CFAP95: variants seen among roughly 807,000 people sequenced by gnomAD.
CFAP95 encodes the protein cilia and flagella associated protein 95, also known as cilia- and flagella-associated protein 95.
chr9:69,868,079 G>T, the CFAP95 span, among the ~76,000 whole-genome samples: 7 of 152,086 alleles, frequency 4.6e-5, no homozygotes, highest in African/African-American at 1.7e-4. Flanking sequence ...AAGCCTATAG[G>T]TATAGTTTTT....
At chr9:69,906,224 G>A in the CFAP95 span, 1 of 1,098,200 alleles carries the variant, frequency 9.1e-7, no homozygotes, top group Non-Finnish European at 1.3e-6. Context: ...CAATGGAAGT[G>A]TTACTATAGT....
At chr9:69,850,163 G>A in the CFAP95 span, among the ~76,000 whole-genome samples, 2 of 152,170 alleles carry the variant, frequency 1.3e-5, no homozygotes, top group African/African-American at 4.8e-5. Flanking sequence ...ACACCTAGAA[G>A]GATTAAGTAC....
At chr9:69,884,385 C>T in the CFAP95 span, 3 of 152,234 alleles carry the variant, frequency 2.0e-5, no homozygotes, top group Admixed American at 6.5e-5. Flanking sequence ...TCCTCAGCTT[C>T]CTGAGTAGCT....
At chr9:69,826,183 C>T in the CFAP95 span, among the ~76,000 whole-genome samples, 1 of 152,084 alleles carries the variant, frequency 6.6e-6, no homozygotes, top group African/African-American at 2.4e-5. Context: ...TTCAGACTTC[C>T]CCCCACCCTA....
chr9:69,891,654 A>T, the CFAP95 span, among the ~76,000 whole-genome samples: 205 of 152,270 alleles, frequency 1.3e-3, no homozygotes, highest in African/African-American at 4.7e-3. Flanking sequence ...ATACCTCTGA[A>T]CTTAAAATAA....
the CFAP95 span, among the ~76,000 whole-genome samples, chr9:69,843,290 T>C: frequency 6.6e-6 from 1 of 152,052 alleles, no homozygotes; most frequent in Middle Eastern, 3.2e-3. Context: ...TCTAGCCCTG[T>C]ATCCCTTAAA....
At chr9:69,872,516 G>A in the CFAP95 span, among the ~76,000 whole-genome samples, 1 of 152,204 alleles carries the variant, frequency 6.6e-6, no homozygotes, top group Non-Finnish European at 1.5e-5. Context: ...GAAACTGGAA[G>A]CTTTGGGTCA....
chr9:69,841,944 G>T, the CFAP95 span, among the ~76,000 whole-genome samples: 1 of 152,206 alleles, frequency 6.6e-6, no homozygotes, highest in Non-Finnish European at 1.5e-5. Flanking sequence ...AATTCAAGGT[G>T]AGATTTGTGT....
chr9:69,843,552 CTCCTCCTTCTTCTTCTTCT>C, the CFAP95 span, among the ~76,000 whole-genome samples: 298 of 25,474 alleles, frequency 0.012, 32 homozygotes, highest in Non-Finnish European at 0.019. Context: ...CCTCCTCCTC[CTCCTCCTTCTTCTTCTTCT>C]TCTTCTTCTT....
At chr9:69,856,585 T>C in the CFAP95 span, 1 of 1,610,854 alleles carries the variant, frequency 6.2e-7, no homozygotes, top group Non-Finnish European at 8.5e-7. Context: ...TGAAAAGTTG[T>C]CACAAATGTG....
the CFAP95 span, among the ~76,000 whole-genome samples, chr9:69,823,461 T>C: frequency 6.6e-6 from 1 of 152,218 alleles, no homozygotes; most frequent in Non-Finnish European, 1.5e-5. Context: ...AAACTAACTC[T>C]CTTGCTGTGT....
At chr9:69,894,310 A>G in the CFAP95 span, among the ~76,000 whole-genome samples, 1 of 152,176 alleles carries the variant, frequency 6.6e-6, no homozygotes. Flanking sequence ...TTGCTCATAT[A>G]ACTCCATAGA....
At chr9:69,856,432 A>AT in the CFAP95 span, 1 of 543,842 alleles carries the variant, frequency 1.8e-6, no homozygotes, top group Non-Finnish European at 3.3e-6. Flanking sequence ...TCTATTACTT[A>AT]TTTTTAATGT....
chr9:69,828,831 T>C, the CFAP95 span, among the ~76,000 whole-genome samples: 4 of 152,258 alleles, frequency 2.6e-5, no homozygotes, highest in African/African-American at 7.2e-5. Flanking sequence ...CTTTGCTACT[T>C]CTACATTTTC....
the CFAP95 span, among the ~76,000 whole-genome samples, chr9:69,860,237 C>T: frequency 6.6e-6 from 1 of 152,272 alleles, no homozygotes; most frequent in South Asian, 2.1e-4. Flanking sequence ...GCAAGCATGG[C>T]ATCATCATCT....
the CFAP95 span, among the ~76,000 whole-genome samples, chr9:69,881,995 T>TC: frequency 6.6e-6 from 1 of 151,776 alleles, no homozygotes; most frequent in African/African-American, 2.4e-5. Flanking sequence ...AATGCCTTTT[T>TC]TTTTTTTGAG....
At chr9:69,888,516 C>A in the CFAP95 span, among the ~76,000 whole-genome samples, 131,067 of 152,144 alleles carry the variant, frequency 0.86, 56,607 homozygotes, top group Middle Eastern at 0.93. Context: ...TTTACAAATA[C>A]TAAACAATAT....
the CFAP95 span, chr9:69,886,698 A>G: frequency 7.7e-5 from 47 of 609,862 alleles, no homozygotes; most frequent in South Asian, 2.2e-5. Flanking sequence ...AGAGGCTGGG[A>G]CAGTTGTGGG....
the CFAP95 span, among the ~76,000 whole-genome samples, chr9:69,894,458 A>G: frequency 9.3e-4 from 141 of 152,334 alleles, no homozygotes; most frequent in African/African-American, 3.1e-3. Flanking sequence ...GAGGGAGGAC[A>G]GAAGAAATAA....
Sources: allele counts gnomAD v4.1 joint callset (sites outside exome capture counted in the v4.1 genomes callset), GRCh38; gene constraint gnomAD v4.1.1; transcripts MANE v1.5; gene names NCBI Gene and HGNC (gene_info 2026-07-23, HGNC 2026-07-21).